PHF14: variants seen among roughly 807,000 people sequenced by gnomAD.
PHF14 encodes the protein PHD finger protein 14.
PHF14 carries 55 observed loss-of-function variants against 117.9 expected under a neutral mutation model. The ratio of observed to expected loss-of-function variants is 0.47; its 90% CI spans 0.38 to 0.58. The LOEUF (loss-of-function observed/expected upper bound fraction) is 0.58. PHF14 is among the 20% of genes least tolerant of loss of function. PHF14 has a pLI of 0.00. For missense variants in PHF14, 978 were observed against 1,122.2 expected (o/e 0.87, Z 1.84); for synonymous variants, 409 against 368.6 (o/e 1.11, Z -1.26).
chr7:11,057,694 T>G (rs2128328338), intron 14 of PHF14, among the ~76,000 whole-genome samples: 1 of 152,296 alleles, frequency 6.6e-6, no homozygotes, highest in East Asian at 1.9e-4. Context: ...ATTTAAAAGT[T>G]GCCTGCTAGA....
intron 2 of PHF14, among the ~76,000 whole-genome samples, chr7:10,976,248 G>GT (rs532784553): frequency 3.9e-5 from 6 of 152,062 alleles, no homozygotes; most frequent in African/African-American, 1.4e-4. Context: ...TTGATTAACT[G>GT]TTTTTTTATC....
intron 17 of PHF14, among the ~76,000 whole-genome samples, chr7:11,131,026 G>T (rs1490526938): frequency 6.6e-6 from 1 of 151,366 alleles, no homozygotes; most frequent in Non-Finnish European, 1.5e-5. Flanking sequence ...ATGTTCTATT[G>T]TATGGATATG....
At chr7:11,038,895 TC>T (rs1784407186) in intron 11 of PHF14, 40 bp downstream of exon 11, 3 of 929,086 alleles carry the variant, frequency 3.2e-6, no homozygotes, top group Non-Finnish European at 5.0e-6. Context: ...CAGTTCTTGC[TC>T]CCTATATGAT....
chr7:11,051,824 G>A (rs1163345562), intron 14 of PHF14, 44 bp downstream of exon 14: 1 of 1,541,746 alleles, frequency 6.5e-7, no homozygotes, highest in African/African-American at 1.4e-5. Flanking sequence ...CAATTCTGAG[G>A]CCAAAATTTA....
intron 13 of PHF14, 39 bp from the exon 14 acceptor site, chr7:11,051,573 A>G (rs17163925): frequency 0.074 from 113,243 of 1,539,584 alleles, 4,547 homozygotes; most frequent in African/African-American, 0.11. Flanking sequence ...CCAGAAGATA[A>G]TAATAAATGC....
At chr7:11,123,048 G>A (rs554165837) in intron 17 of PHF14, among the ~76,000 whole-genome samples, 40 of 152,016 alleles carry the variant, frequency 2.6e-4, no homozygotes, top group Non-Finnish European at 5.0e-4. Context: ...TCTCTCCTGC[G>A]TTTGCCTTTT....
In PHF14 at chr7:11,024,230, A is replaced by G. The variant is rs150072211; in HGVS notation, c.1317+1251A>G. ...TTGTGAAGGCTGAGAGAGGTGAGGA[A>G]GCTGCAGAAGAAAGGTTGAAAGGTA... On this transcript the variant is annotated intron_variant, in intron 6 of 17. Coordinates refer to ENST00000634607, the MANE Select transcript of PHF14 (RefSeq NM_001007157.2). Among the ~76,000 whole-genome samples, 89 of 152,322 alleles carry G rather than the reference A, an allele frequency of 5.8e-4. 1 individual carries two copies. Among genetic ancestry groups the G allele is most frequent in the African/African-American group, 2.1e-3 (87 of 41,580 alleles).
chr7:11,080,010 A>C (rs991051390), intron 16 of PHF14, among the ~76,000 whole-genome samples: 1 of 152,172 alleles, frequency 6.6e-6, no homozygotes, highest in Non-Finnish European at 1.5e-5. Flanking sequence ...GAATAGACTC[A>C]GTGGTCTAAA....
At chr7:11,160,703 CTGTT>C (rs1230010595) in intron 17 of PHF14, among the ~76,000 whole-genome samples, 1 of 152,090 alleles carries the variant, frequency 6.6e-6, no homozygotes, top group Non-Finnish European at 1.5e-5. Context: ...TGTTTGTTGG[CTGTT>C]TGTATGTCTT....
At chr7:11,056,486 G>A (rs941660263) in intron 14 of PHF14, among the ~76,000 whole-genome samples, 2 of 151,838 alleles carry the variant, frequency 1.3e-5, no homozygotes, top group African/African-American at 4.8e-5. Context: ...GTTAACATAA[G>A]CTAAATTAGA....
intron 6 of PHF14, among the ~76,000 whole-genome samples, chr7:11,025,163 A>G (rs1418761564): frequency 6.6e-6 from 1 of 152,218 alleles, no homozygotes; most frequent in Non-Finnish European, 1.5e-5. Flanking sequence ...AACTAGAATT[A>G]GAAGTGTAGC....
At chr7:10,999,777 G>T (rs535743687) in intron 4 of PHF14, among the ~76,000 whole-genome samples, 1 of 152,302 alleles carries the variant, frequency 6.6e-6, no homozygotes, top group Non-Finnish European at 1.5e-5. Flanking sequence ...AATCAAGGCA[G>T]ACAAATGAGA....
chr7:11,084,783 A>G (rs1172276033), intron 16 of PHF14, among the ~76,000 whole-genome samples: 1 of 152,132 alleles, frequency 6.6e-6, no homozygotes, highest in Non-Finnish European at 1.5e-5. Flanking sequence ...AATTTGATGG[A>G]TGAAAATTGG....
intron 17 of PHF14, among the ~76,000 whole-genome samples, chr7:11,145,938 T>A (rs1269063266): frequency 6.6e-6 from 1 of 151,864 alleles, no homozygotes; most frequent in East Asian, 1.9e-4. Context: ...TTCTCATTAA[T>A]TTTTTTAAAG....
chr7:11,120,287 A>G (rs1371040040), intron 17 of PHF14, among the ~76,000 whole-genome samples: 1 of 152,012 alleles, frequency 6.6e-6, no homozygotes, highest in Non-Finnish European at 1.5e-5. Context: ...CATTTGTAGA[A>G]GGTTGAATGG....
intron 16 of PHF14, chr7:11,105,634 A>T (rs1787233220): frequency 4.4e-5 from 43 of 984,656 alleles, no homozygotes; most frequent in East Asian, 1.1e-4. Flanking sequence ...CTGAATCAGC[A>T]CTTTGTAAGT....
intron 16 of PHF14, among the ~76,000 whole-genome samples, chr7:11,078,258 G>A (rs1259082632): frequency 6.6e-6 from 1 of 152,030 alleles, no homozygotes; most frequent in Non-Finnish European, 1.5e-5. Context: ...AGGAAAACCA[G>A]GATGATTATC....
intron 17 of PHF14, among the ~76,000 whole-genome samples, chr7:11,145,158 G>A (rs749390504): frequency 1.1e-4 from 16 of 151,894 alleles, no homozygotes; most frequent in Non-Finnish European, 4.4e-5. Flanking sequence ...CTCGGGAGGG[G>A]TTCAGGTGGC....
intron 17 of PHF14, among the ~76,000 whole-genome samples, chr7:11,127,747 A>G (rs1787968239): frequency 6.6e-6 from 1 of 152,126 alleles, no homozygotes; most frequent in African/African-American, 2.4e-5. Flanking sequence ...TTTGTGTAAG[A>G]CTTTGAAGAA....
Sources: gnomAD v4.1 joint callset for allele counts (sites outside exome capture counted in the v4.1 genomes callset) on GRCh38, gnomAD v4.1.1 for gene constraint, MANE v1.5 for transcripts, NCBI Gene and HGNC (gene_info 2026-07-23, HGNC 2026-07-21) for gene names.